RGS20: variants seen among roughly 807,000 people sequenced by gnomAD.
RGS20 encodes the protein gz-selective GTPase-activating protein.
Under a neutral mutation model 33.6 loss-of-function variants are expected in RGS20, and 30 were observed. That is an observed-to-expected ratio of 0.89 (90% confidence interval 0.67 to 1.21). The LOEUF is 1.21. Ranked by LOEUF, RGS20 falls within the 50% of genes most tolerant of loss-of-function variation. The pLI, the probability that RGS20 is intolerant of heterozygous loss-of-function variation, is 0.00. For missense variants in RGS20, 472 were observed against 502.4 expected, an observed-to-expected ratio of 0.94 and a Z score of 0.58; for synonymous variants, 208 against 197.9, an observed-to-expected ratio of 1.05 and a Z score of -0.43.
chr8:53,897,101 G>A (rs1472042231), intron 2 of RGS20, among the ~76,000 whole-genome samples: 1 of 152,246 alleles, frequency 6.6e-6, no homozygotes, highest in Non-Finnish European at 1.5e-5. Context: ...CCTGTAAGAA[G>A]TAGAGAAAGC....
rs1283624807 is a variant in RGS20, at chr8:53,947,035, AC to A, written c.743+288del. Among the ~76,000 whole-genome samples, 5 of 148,026 alleles carry A rather than the reference AC, an allele frequency of 3.4e-5. No homozygotes were observed. The Admixed American group carries it at 3.4e-4, about 10-fold the overall frequency. On this transcript the variant is annotated intron_variant, in intron 4 of 5. Transcript: ENST00000297313. ...ATGTTATTTTATTTTTATATAATATACTTTTAAAAATAAAAGTATATCATAT... is the reference window on the plus strand; with the variant it reads ...ATGTTATTTTATTTTTATATAATATATTTTAAAAATAAAAGTATATCATAT...
At chr8:53,953,214 A>G (rs1814759864) in intron 4 of RGS20, among the ~76,000 whole-genome samples, 1 of 152,198 alleles carries the variant, frequency 6.6e-6, no homozygotes, top group South Asian at 2.1e-4. Context: ...TAGTTTTTAA[A>G]TGTTTATAAG....
chr8:53,853,640 C>A (rs563028668), intron 1 of RGS20, among the ~76,000 whole-genome samples: 86 of 152,292 alleles, frequency 5.6e-4, no homozygotes, highest in African/African-American at 2.0e-3. Flanking sequence ...ACACTCAACT[C>A]ATTTTGAGTC....
intron 2 of RGS20, among the ~76,000 whole-genome samples, chr8:53,918,940 T>C (rs942834719): frequency 6.6e-6 from 1 of 152,226 alleles, no homozygotes; most frequent in African/African-American, 2.4e-5. Context: ...AGGACTAGAA[T>C]TGCTGGGTCA....
At chr8:53,853,164 A>G (rs772057827) in intron 1 of RGS20, among the ~76,000 whole-genome samples, 1 of 152,206 alleles carries the variant, frequency 6.6e-6, no homozygotes, top group Non-Finnish European at 1.5e-5. Context: ...GATATTTCTA[A>G]AAGGCAGAAT....
At chr8:53,947,041 AAAAAT>A (rs973174506) in intron 4 of RGS20, among the ~76,000 whole-genome samples, 124 of 147,866 alleles carry the variant, frequency 8.4e-4, no homozygotes, top group African/African-American at 1.6e-3. Flanking sequence ...ATATACTTTT[AAAAAT>A]AAAAGTATAT....
intron 2 of RGS20, among the ~76,000 whole-genome samples, chr8:53,892,966 C>A (rs187451403): frequency 6.6e-6 from 1 of 152,108 alleles, no homozygotes; most frequent in Admixed American, 6.5e-5. Context: ...CACTTGTAGA[C>A]CCCCAAAAAA....
At chr8:53,880,657 G>A (rs1812336008) in intron 2 of RGS20, among the ~76,000 whole-genome samples, 1 of 152,132 alleles carries the variant, frequency 6.6e-6, no homozygotes, top group Non-Finnish European at 1.5e-5. Context: ...CTTCGCGGAC[G>A]CCCTCTACGC....
At chr8:53,949,773 C>A (rs1327870971) in intron 4 of RGS20, among the ~76,000 whole-genome samples, 1 of 151,470 alleles carries the variant, frequency 6.6e-6, no homozygotes, top group Non-Finnish European at 1.5e-5. Context: ...TAGATGCTTG[C>A]CAAAAATTTA....
chr8:53,907,115 G>A (rs1813202340), intron 2 of RGS20, among the ~76,000 whole-genome samples: 1 of 152,196 alleles, frequency 6.6e-6, no homozygotes, highest in Non-Finnish European at 1.5e-5. Context: ...AAATCTGGGA[G>A]AAGCAATGGA....
intron 4 of RGS20, among the ~76,000 whole-genome samples, chr8:53,947,152 A>G (rs1165703910): frequency 6.9e-6 from 1 of 145,304 alleles, no homozygotes; most frequent in Admixed American, 7.0e-5. Context: ...ATGATATAGT[A>G]TATATATTTA....
chr8:53,888,678 T>C (rs1203853360), intron 2 of RGS20, among the ~76,000 whole-genome samples: 2 of 152,170 alleles, frequency 1.3e-5, no homozygotes, highest in Non-Finnish European at 2.9e-5. Flanking sequence ...AGATATAGGA[T>C]ATTTTCAGCC....
intron 2 of RGS20, among the ~76,000 whole-genome samples, chr8:53,928,723 T>C (rs6987892): frequency 0.36 from 53,974 of 151,554 alleles, 10,843 homozygotes; most frequent in African/African-American, 0.56. Flanking sequence ...CTCGGGAGGC[T>C]GAGGCAGGAG....
At position 53,939,787 on chromosome 8, in the gene RGS20, G is replaced by A. The variant is rs187829829; in HGVS notation, c.659+63G>A. On this transcript the variant is annotated intron_variant, in intron 3 of 5. Transcript: ENST00000297313. ...TGGGAAGTGTAATGTGCTCCTGACTGGGACGTGGCACCCCTGAAAGTGGTG... is the reference window on the plus strand; with the variant it reads ...TGGGAAGTGTAATGTGCTCCTGACTAGGACGTGGCACCCCTGAAAGTGGTG... The A allele has an allele frequency of 1.4e-4, 214 of 1,477,718 alleles. No homozygotes were observed. The African/African-American group carries it at 2.7e-3, about 19-fold the overall frequency. 91.5% of individuals were successfully genotyped at this position (1,477,718 alleles called of 1,614,324 possible).
chr8:53,856,540 C>T (rs1050165856), intron 1 of RGS20, among the ~76,000 whole-genome samples: 8 of 152,002 alleles, frequency 5.3e-5, no homozygotes, highest in Non-Finnish European at 1.2e-4. Context: ...TTTTTTCTTC[C>T]ATCAGGATTT....
intron 4 of RGS20, among the ~76,000 whole-genome samples, chr8:53,951,940 C>A (rs1306844869): frequency 1.3e-5 from 2 of 151,610 alleles, no homozygotes; most frequent in Non-Finnish European, 2.9e-5. Context: ...TCGCTTGAAC[C>A]CGGGAGGCAG....
intron 3 of RGS20, among the ~76,000 whole-genome samples, chr8:53,945,051 C>T (rs1176725303): frequency 6.6e-6 from 1 of 152,126 alleles, no homozygotes; most frequent in African/African-American, 2.4e-5. Flanking sequence ...TTGGGAGTTC[C>T]TCAAAATGTT....
intron 2 of RGS20, among the ~76,000 whole-genome samples, chr8:53,930,375 G>A (rs1813918811): frequency 6.6e-6 from 1 of 152,152 alleles, no homozygotes; most frequent in Non-Finnish European, 1.5e-5. Flanking sequence ...AGACCTGTTT[G>A]AAGAGACCCT....
At chr8:53,871,592 G>T (rs1585870509) in intron 1 of RGS20, among the ~76,000 whole-genome samples, 1 of 151,690 alleles carries the variant, frequency 6.6e-6, no homozygotes, top group African/African-American at 2.4e-5. Context: ...ACTCCAGCTT[G>T]GGTGACAGAG....
Sources: gnomAD v4.1 joint callset for allele counts (sites outside exome capture counted in the v4.1 genomes callset) on GRCh38, gnomAD v4.1.1 for gene constraint, MANE v1.5 for transcripts, NCBI Gene and HGNC (gene_info 2026-07-23, HGNC 2026-07-21) for gene names.